Variants in ADGRL2 observed in about 807,000 individuals in gnomAD.
The protein encoded by ADGRL2 is adhesion G protein-coupled receptor L2.
A neutral mutation model predicts 157.4 loss-of-function variants in ADGRL2; 44 were observed. The ratio of observed to expected loss-of-function variants is 0.28; its 90% CI spans 0.22 to 0.36. The LOEUF (loss-of-function observed/expected upper bound fraction) is 0.36. Ranked by LOEUF, ADGRL2 falls within the 10% of genes least tolerant of loss-of-function variation. ADGRL2 has a pLI of 1.00. For synonymous variants in ADGRL2, 585 were observed against 624.7 expected (o/e 0.94, Z 0.95); for missense variants, 1,510 against 1,768.9 (o/e 0.85, Z 2.63).
intron 1 of ADGRL2, among the ~76,000 whole-genome samples, chr1:81,363,402 T>A (rs1392106716): frequency 6.6e-6 from 1 of 152,014 alleles, no homozygotes; most frequent in Non-Finnish European, 1.5e-5. Context: ...ACATAACGAA[T>A]TTTCCATAAA....
At chr1:81,421,071 A>T (rs2077115876) in intron 1 of ADGRL2, among the ~76,000 whole-genome samples, 1 of 152,216 alleles carries the variant, frequency 6.6e-6, no homozygotes, top group Admixed American at 6.5e-5. Context: ...GATCATCAGC[A>T]AATATTCCAC....
At chr1:81,925,387 T>C (rs1040129779) in intron 3 of ADGRL2, among the ~76,000 whole-genome samples, 20 of 152,040 alleles carry the variant, frequency 1.3e-4, no homozygotes, top group Admixed American at 1.1e-3. Flanking sequence ...CAAAATATTT[T>C]AGAAGTTGCA....
rs181185903 is a variant in ADGRL2, at chr1:81,875,735, G to C, written c.74-31282G>C. ...TCCTTTTGTTATTGTTTTTGGAGGGGGCTTAGGGTTTATGTGTGACTTAGG... is the reference window on the plus strand; with the variant it reads ...TCCTTTTGTTATTGTTTTTGGAGGGCGCTTAGGGTTTATGTGTGACTTAGG... On this transcript the variant is annotated intron_variant, in intron 2 of 23. Coordinates refer to ENST00000686636, the MANE Select transcript of ADGRL2 (RefSeq NM_001366006.2). Among the ~76,000 whole-genome samples the C allele has an allele frequency of 2.1e-3, 318 of 152,162 alleles. 1 individual carries two copies. The highest frequency in any genetic ancestry group is 3.4e-3 in the Non-Finnish European group (234 of 68,002).
intron 11 of ADGRL2, among the ~76,000 whole-genome samples, chr1:81,962,748 C>T (rs1366943917): frequency 1.3e-5 from 2 of 152,060 alleles, no homozygotes; most frequent in African/African-American, 2.4e-5. Flanking sequence ...TCCTTGTTTA[C>T]GTTTAGTGCG....
In ADGRL2 at chr1:81,542,786, G is replaced by T. The variant is rs578198128; in HGVS notation, c.-247-38090G>T. The stretch of plus-strand genomic sequence containing the variant: ...TTCAGAGCTCAATAGGAATATAAAG[G>T]ATATTTATAATGCAACAATGGATTA... On this transcript the variant is annotated intron_variant, in intron 2 of 24. Transcript: ENST00000370721. Among the ~76,000 whole-genome samples the T allele has an allele frequency of 2.0e-5, 3 of 152,060 alleles. No homozygotes were observed. In the East Asian group the frequency reaches 5.8e-4, roughly 29 times the overall value.
chr1:81,557,231 CAG>C (rs1320890244), intron 2 of ADGRL2: 3 of 190,088 alleles, frequency 1.6e-5, no homozygotes, highest in Non-Finnish European at 3.7e-5. Context: ...TGATGTCCTC[CAG>C]CACCTGGTGC....
At chr1:81,732,877 A>T (rs1461244120) in intron 1 of ADGRL2, among the ~76,000 whole-genome samples, 1 of 151,942 alleles carries the variant, frequency 6.6e-6, no homozygotes, top group Non-Finnish European at 1.5e-5. Context: ...ATTTAACTTT[A>T]AAAAAAAGAA....
Position 81,377,567 on chromosome 1 carries a change from G to A in ADGRL2, c.-301-67469G>A, listed in dbSNP as rs77954172. 3.2e-4 allele frequency among the ~76,000 whole-genome samples: 49 copies of A among 152,176 alleles called. No individual in the cohort carries two copies. The East Asian group carries it at 4.3e-3, about 13-fold the overall frequency. The stretch of plus-strand genomic sequence containing the variant: ...AGCAACGTAGAGTTAAAAACCCTCA[G>A]ATTCATGGAGGCTTATACTACCTCT... On this transcript the variant is annotated intron_variant, in intron 1 of 24. Coordinates refer to the ADGRL2 transcript ENST00000370721.
At chr1:81,583,402 T>A (rs2080957561) in intron 3 of ADGRL2, among the ~76,000 whole-genome samples, 1 of 151,358 alleles carries the variant, frequency 6.6e-6, no homozygotes, top group Non-Finnish European at 1.5e-5. Flanking sequence ...AGTTGTTTGT[T>A]GTTTTTTTTT....
At chr1:81,910,928 C>CT (rs1048482529) in intron 3 of ADGRL2, among the ~76,000 whole-genome samples, 101 of 144,446 alleles carry the variant, frequency 7.0e-4, no homozygotes, top group South Asian at 2.6e-3. Context: ...GCCCCCCTTC[C>CT]TTTTTTTTTT....
At chr1:81,467,988 G>A (rs1295835733) in intron 2 of ADGRL2, among the ~76,000 whole-genome samples, 1 of 152,052 alleles carries the variant, frequency 6.6e-6, no homozygotes, top group Non-Finnish European at 1.5e-5. Flanking sequence ...TGTAGACAAT[G>A]GATATATTCA....
chr1:81,534,060 T>A (rs1471979769), intron 2 of ADGRL2, among the ~76,000 whole-genome samples: 1 of 152,228 alleles, frequency 6.6e-6, no homozygotes, highest in Non-Finnish European at 1.5e-5. Flanking sequence ...GTTGTGCTGT[T>A]TATTAAAATG....
intron 1 of ADGRL2, among the ~76,000 whole-genome samples, chr1:81,310,491 A>C (rs1557585608): frequency 6.6e-6 from 1 of 152,168 alleles, no homozygotes; most frequent in Non-Finnish European, 1.5e-5. Flanking sequence ...GTCAGTAGCA[A>C]TTGAGCAAGC....
intron 3 of ADGRL2, among the ~76,000 whole-genome samples, chr1:81,657,630 T>C (rs755605685): frequency 2.3e-4 from 35 of 152,186 alleles, no homozygotes; most frequent in Non-Finnish European, 4.7e-4. Flanking sequence ...AAGAGGGGTG[T>C]GTGTGTGCAT....
chr1:81,434,960 T>C (rs2101639239), intron 1 of ADGRL2, among the ~76,000 whole-genome samples: 1 of 152,260 alleles, frequency 6.6e-6, no homozygotes, highest in East Asian at 1.9e-4. Context: ...TAAATACAGC[T>C]GACAAAGGGT....
At chr1:81,928,019 T>C (rs1457744152) in intron 3 of ADGRL2, among the ~76,000 whole-genome samples, 1 of 152,110 alleles carries the variant, frequency 6.6e-6, no homozygotes, top group Non-Finnish European at 1.5e-5. Flanking sequence ...TCTTGAAGCA[T>C]AATTCTTTGT....
chr1:81,367,458 A>T (rs2076085814), intron 1 of ADGRL2, among the ~76,000 whole-genome samples: 1 of 152,196 alleles, frequency 6.6e-6, no homozygotes, highest in Non-Finnish European at 1.5e-5. Context: ...CTTATAAATG[A>T]GAACATGTGG....
At chr1:81,353,354 G>C (rs74093347) in intron 1 of ADGRL2, among the ~76,000 whole-genome samples, 2,356 of 152,234 alleles carry the variant, frequency 0.015, 68 homozygotes, top group African/African-American at 0.054. Flanking sequence ...AACCAGATTT[G>C]CTTGTTATCT....
At chr1:81,343,553 C>A (rs567525094) in intron 1 of ADGRL2, among the ~76,000 whole-genome samples, 9 of 152,154 alleles carry the variant, frequency 5.9e-5, no homozygotes, top group Non-Finnish European at 1.3e-4. Flanking sequence ...GTGGCTTAAA[C>A]AACTAATCCT....
Sources: allele counts gnomAD v4.1 joint callset (sites outside exome capture counted in the v4.1 genomes callset), GRCh38; gene constraint gnomAD v4.1.1; transcripts MANE v1.5; gene names NCBI Gene and HGNC (gene_info 2026-07-23, HGNC 2026-07-21).